Variants in PDZD2 observed in about 807,000 individuals in gnomAD.
The protein encoded by PDZD2 is PDZ domain-containing protein 2.
PDZD2 carries 90 observed loss-of-function variants against 220.7 expected under a neutral mutation model. The ratio of observed to expected loss-of-function variants is 0.41; its 90% CI spans 0.34 to 0.49. The LOEUF (loss-of-function observed/expected upper bound fraction) is 0.49, where lower values mean the gene tolerates loss of function less well. Ranked by LOEUF, PDZD2 falls within the 20% of genes least tolerant of loss-of-function variation. The pLI, the probability that PDZD2 is intolerant of heterozygous loss-of-function variation, is 0.28. For synonymous variants in PDZD2, 1,375 were observed against 1,450.5 expected (o/e 0.95, Z 1.18); for missense variants, 3,174 against 3,608.5 (o/e 0.88, Z 3.08).
At chr5:31,960,201 CCTTTCCTTCCTT>C (rs1022872669) in intron 2 of PDZD2, among the ~76,000 whole-genome samples, 77 of 150,210 alleles carry the variant, frequency 5.1e-4, no homozygotes, top group Middle Eastern at 3.4e-3. Context: ...TTCTTTCCTT[CCTTTCCTTCCTT>C]CTTTCCTTCC....
chr5:32,081,716 C>CTTTGTTTTGT (rs368243741), intron 19 of PDZD2, among the ~76,000 whole-genome samples: 20 of 152,070 alleles, frequency 1.3e-4, no homozygotes, highest in Non-Finnish European at 2.5e-4. Context: ...CAAAACATGT[C>CTTTGTTTTGT]TTTGTTTTGT....
chr5:32,045,132 A>G (rs1440891934), intron 7 of PDZD2, among the ~76,000 whole-genome samples: 1 of 152,182 alleles, frequency 6.6e-6, no homozygotes, highest in Non-Finnish European at 1.5e-5. Context: ...CTACTAATAA[A>G]TCTTTTTCAG....
chr5:32,085,268 A>G (rs1279955429), intron 19 of PDZD2, among the ~76,000 whole-genome samples: 11 of 133,664 alleles, frequency 8.2e-5, no homozygotes, highest in African/African-American at 6.5e-5. Context: ...TTTTTTTTTT[A>G]ATTGACACAT....
intron 1 of PDZD2, among the ~76,000 whole-genome samples, chr5:31,735,392 T>TA (rs550064574): frequency 9.2e-5 from 14 of 152,346 alleles, no homozygotes; most frequent in African/African-American, 3.1e-4. Context: ...ATCTGTAAGA[T>TA]AAAAGTGTAA....
intron 1 of PDZD2, among the ~76,000 whole-genome samples, chr5:31,793,157 C>T (rs1753818123): frequency 6.6e-6 from 1 of 150,736 alleles, no homozygotes; most frequent in African/African-American, 2.4e-5. Context: ...TTATTTAGAA[C>T]AGTGTCTCAC....
chr5:32,005,435 G>C lies in PDZD2; in HGVS notation c.1255-4895G>C, dbSNP rs1156962976. 6.0e-5 allele frequency among the ~76,000 whole-genome samples: 9 copies of C among 150,030 alleles called. No individual in the cohort carries two copies. The East Asian group carries it at 1.8e-3, about 29-fold the overall frequency. On this transcript the variant is annotated intron_variant, in intron 5 of 24. Transcript: ENST00000438447. ...ATATGCCTGGAAGCAACATATATCA[G>C]TACAGATCTCTTGCTCGCTTTTTTG...
chr5:31,956,223 C>T (rs1474651651), intron 2 of PDZD2, among the ~76,000 whole-genome samples: 1 of 151,894 alleles, frequency 6.6e-6, no homozygotes, highest in African/African-American at 2.4e-5. Context: ...GTATTGAAGT[C>T]TCCTACTGTA....
rs1385913596 is a variant in PDZD2, at chr5:31,989,416, C to CTTTTTTTTTTT, written c.978+5764_978+5765insTTTTTTTTTTT. 1.8e-4 allele frequency among the ~76,000 whole-genome samples: 22 copies of CTTTTTTTTTTT among 120,630 alleles called. 1 individual carries two copies. The highest frequency in any genetic ancestry group is 6.4e-4 in the African/African-American group (18 of 28,336). The allele number at this position is 120,630 out of a possible 152,430, so 79.1% of individuals were successfully genotyped here. On this transcript the variant is annotated intron_variant, in intron 3 of 24. Coordinates refer to ENST00000438447, the MANE Select transcript of PDZD2 (RefSeq NM_178140.4). ...TATTCTGTGGTATATACCACATTTTCTTTTCTTTTTTTTTTTTTTTTTTTG... is the reference window on the plus strand; with the variant it reads ...TATTCTGTGGTATATACCACATTTTCTTTTTTTTTTTTTTTCTTTTTTTTTTTTTTTTTTTG...
At chr5:31,929,771 C>T (rs953258119) in intron 2 of PDZD2, among the ~76,000 whole-genome samples, 1 of 151,766 alleles carries the variant, frequency 6.6e-6, no homozygotes, top group East Asian at 1.9e-4. Flanking sequence ...AAAGCAGCGG[C>T]TAGCATGACT....
chr5:31,882,833 A>G lies in PDZD2; in HGVS notation c.476+83109A>G, dbSNP rs540579746. 5.3e-5 allele frequency among the ~76,000 whole-genome samples: 8 copies of G among 152,122 alleles called. No individual in the cohort carries two copies. The South Asian group carries it at 1.2e-3, about 24-fold the overall frequency. On this transcript the variant is annotated intron_variant, in intron 2 of 24. Transcript: ENST00000438447. The stretch of plus-strand genomic sequence containing the variant: ...CACTTGAGGCCAGGAGTTGGAGACC[A>G]GCCTAGCCAACATGGTGAAAGCCAG...
At position 31,913,352 on chromosome 5, in the gene PDZD2, A is replaced by AAAG. The variant is rs1385465326; in HGVS notation, c.477-69801_477-69800insGAA. On this transcript the variant is annotated intron_variant, in intron 2 of 24. Coordinates refer to ENST00000438447, the MANE Select transcript of PDZD2 (RefSeq NM_178140.4). ...TGAAACTTCCTTGGGGAAAAAAAAA[A>AAAG]AAAGAATAGTATCAAAGGGAAAGAA... Among the ~76,000 whole-genome samples, 3 of 151,998 alleles carry AAAG rather than the reference A, an allele frequency of 2.0e-5. No individual in the cohort carries two copies. The East Asian group carries it at 5.8e-4, about 29-fold the overall frequency.
At chr5:31,735,456 G>C (rs962192382) in intron 1 of PDZD2, among the ~76,000 whole-genome samples, 1 of 152,134 alleles carries the variant, frequency 6.6e-6, no homozygotes, top group African/African-American at 2.4e-5. Context: ...AGCTAACCAA[G>C]AAGAGCCCAA....
intron 1 of PDZD2, among the ~76,000 whole-genome samples, chr5:31,714,534 A>G (rs993687278): frequency 1.1e-4 from 17 of 152,106 alleles, no homozygotes; most frequent in African/African-American, 3.6e-4. Context: ...CTGTTATGCA[A>G]CCTCATACCG....
intron 6 of PDZD2, among the ~76,000 whole-genome samples, chr5:32,023,660 C>T (rs977940376): frequency 6.6e-6 from 1 of 152,196 alleles, no homozygotes; most frequent in African/African-American, 2.4e-5. Flanking sequence ...CTCTCTCTGT[C>T]ACTTCCTTCC....
At chr5:31,690,698 C>G (rs767659724) in intron 1 of PDZD2, among the ~76,000 whole-genome samples, 20 of 152,174 alleles carry the variant, frequency 1.3e-4, no homozygotes, top group Admixed American at 1.0e-3. Flanking sequence ...TCCTAAGAAT[C>G]CGTGTCATTC....
At chr5:31,785,609 T>A (rs943706067) in intron 1 of PDZD2, among the ~76,000 whole-genome samples, 4 of 151,774 alleles carry the variant, frequency 2.6e-5, no homozygotes, top group Non-Finnish European at 5.9e-5. Flanking sequence ...CCCAGCTAAT[T>A]TTTCAATCTT....
intron 6 of PDZD2, among the ~76,000 whole-genome samples, chr5:32,025,450 G>A (rs572018182): frequency 1.3e-5 from 2 of 151,546 alleles, no homozygotes; most frequent in South Asian, 2.1e-4. Flanking sequence ...ACTTGAACCC[G>A]GGAGGTGGAG....
At chr5:31,764,762 G>T (rs1026135740) in intron 1 of PDZD2, among the ~76,000 whole-genome samples, 1 of 152,170 alleles carries the variant, frequency 6.6e-6, no homozygotes, top group Non-Finnish European at 1.5e-5. Flanking sequence ...GCCTTGGCAA[G>T]GTTGTTACCA....
At position 32,088,866 on chromosome 5, in the gene PDZD2, T is replaced by C. The variant is rs773274062; in HGVS notation, c.5418T>C (p.Asn1806=). The C allele has an allele frequency of 3.1e-6, 5 of 1,613,624 alleles. No homozygotes were observed. The highest frequency in any genetic ancestry group is 1.7e-5 in the Admixed American group (1 of 59,972). Residue 1806 remains asparagine, a synonymous_variant, in exon 20 of 25, where the codon AAT becomes AAC. Transcript: ENST00000438447. The surrounding 1 kb of genome is among the most constrained non-coding windows in gnomAD (Gnocchi z 4.6). Reference sequence around the variant, plus strand: ...TCATGGCCTGGTTTAAAGAAATAAATAAACATAACCAAGGCACACATTTGA... The same window carrying C: ...TCATGGCCTGGTTTAAAGAAATAAACAAACATAACCAAGGCACACATTTGA... ...RPIMAWFKEI[N]KHNQGTHLRS...
Sources: allele counts gnomAD v4.1 joint callset (sites outside exome capture counted in the v4.1 genomes callset), GRCh38; gene constraint gnomAD v4.1.1; non-coding constraint Gnocchi (gnomAD v3.1); transcripts MANE v1.5; gene names NCBI Gene and HGNC (gene_info 2026-07-23, HGNC 2026-07-21).